LTBP2: variants seen among roughly 807,000 people sequenced by gnomAD.
LTBP2 encodes latent transforming growth factor beta binding protein 2.
A neutral mutation model predicts 210.6 loss-of-function variants in LTBP2; 103 were observed. The ratio of observed to expected loss-of-function variants is 0.49; its 90% CI spans 0.42 to 0.58. LTBP2 has a LOEUF of 0.58. Among genes scored for constraint, LTBP2 ranks in the 20% least tolerant of loss-of-function variants. LTBP2 has a pLI of 0.00. For synonymous variants in LTBP2, 1,007 were observed against 1,015.0 expected (o/e 0.99, Z 0.15); for missense variants, 2,313 against 2,494.5 (o/e 0.93, Z 1.55).
intron 10 of LTBP2, 124 bp from the exon 11 acceptor site, chr14:74,529,246 A>C: frequency 8.5e-7 from 1 of 1,182,554 alleles, no homozygotes; most frequent in Non-Finnish European, 1.2e-6. Context: ...CCCATATCTC[A>C]GTTGGGAAGT....
Position 74,555,639 on chromosome 14 carries a change from G to A in LTBP2, c.885C>T (p.Ser295=). The part of the protein sequence containing the change: ...THPSQQHVGL[S]RTVRLHPTAT... ...CAGTCGGGTGAAGTCGGACAGTGCG[G>A]GACAACCCCACGTGCTGCTGGGAAG... The change falls in exon 4 of 36, where the codon TCC becomes TCT. Residue 295 remains serine (S), a synonymous_variant. Transcript: ENST00000261978. 2.5e-6 allele frequency: 4 copies of A among 1,595,084 alleles called. No individual in the cohort carries two copies. Among genetic ancestry groups the A allele is most frequent in the Non-Finnish European group, 3.4e-6 (4 of 1,167,620 alleles).
chr14:74,510,400 C>CG (rs1461367766), intron 19 of LTBP2, among the ~76,000 whole-genome samples, 187 bp from the exon 20 acceptor site: 1 of 152,222 alleles, frequency 6.6e-6, no homozygotes, highest in Non-Finnish European at 1.5e-5. Flanking sequence ...TCCCATCCCC[C>CG]GGGCTCACTT....
intron 1 of LTBP2, among the ~76,000 whole-genome samples, chr14:74,608,021 C>T (rs937779436): frequency 1.5e-4 from 22 of 151,532 alleles, no homozygotes; most frequent in African/African-American, 4.1e-4. Context: ...CCCGGGTTCA[C>T]GCCATTCTCC....
intron 2 of LTBP2, among the ~76,000 whole-genome samples, chr14:74,595,276 C>T (rs8005582): frequency 0.017 from 2,602 of 152,268 alleles, 33 homozygotes; most frequent in Non-Finnish European, 0.025. Context: ...TGGGGAGCCG[C>T]GGGGCCAGGG....
chr14:74,533,617 T>A lies in LTBP2; in HGVS notation c.1865-1069A>T, dbSNP rs546677194. Among the ~76,000 whole-genome samples the A allele has an allele frequency of 2.6e-5, 4 of 152,166 alleles. No homozygotes were observed. In the South Asian group the frequency reaches 8.3e-4, roughly 32 times the overall value. ...GGTCACAGTTAAGAGTGTGCAAAGG[T>A]TGAGGGTCAGAAGGGCACATCTTCG... On this transcript the variant is annotated intron_variant, in intron 9 of 35. Coordinates refer to ENST00000261978, the MANE Select transcript of LTBP2 (RefSeq NM_000428.3).
At position 74,503,801 on chromosome 14, in the gene LTBP2, C is replaced by T. The variant is rs568050951; in HGVS notation, c.4582+125G>A. The T allele has an allele frequency of 3.1e-5, 45 of 1,449,916 alleles. No homozygotes were observed. The East Asian group carries it at 1.1e-3, about 35-fold the overall frequency. 89.8% of individuals were successfully genotyped at this position (1,449,916 alleles called of 1,614,324 possible). ...AGCTCCTTCACCTGGGACCAGCCTG[C>T]TGCAGTGGGCGGCCTCCCTAGGAAG... On this transcript the variant is annotated intron_variant, in intron 31 of 35. Transcript: ENST00000261978.
At position 74,611,611 on chromosome 14, in the gene LTBP2, A is replaced by G; in HGVS notation, c.334T>C (p.Ser112Pro). 1 of 1,565,084 alleles carries G rather than the reference A, an allele frequency of 6.4e-7. No homozygotes were observed. The highest frequency in any genetic ancestry group is 2.3e-5 in the East Asian group (1 of 42,848). Residue 112 changes from serine (S) to proline (P), a missense_variant, in exon 1 of 36, where the codon TCG (serine) becomes CCG (proline). Ser to Pro is a moderately conservative substitution (Grantham distance 74). Transcript: ENST00000261978. ...TGCGCAGGTGGCTGGACACGCCGCGACTGCTGCGCGCGGGACGGCCTCCTG... is the reference window on the plus strand; with the variant it reads ...TGCGCAGGTGGCTGGACACGCCGCGGCTGCTGCGCGCGGGACGGCCTCCTG... ...EARRPSRAQQ[S>P]RRVQPPAQTR...
chr14:74,525,256 T>C lies in LTBP2; in HGVS notation c.2429-31A>G, dbSNP rs862030. ...GAGGAGAGAGGGGAAGAGGTGGGGT[T>C]GTGGCCCCTTGGCTGGCCATGGCCC... On this transcript the variant is annotated intron_variant, in intron 14 of 35. Coordinates refer to ENST00000261978, the MANE Select transcript of LTBP2 (RefSeq NM_000428.3). 0.32 allele frequency: 396,931 copies of C among 1,246,790 alleles called. 66,705 individuals carry two copies. Among genetic ancestry groups the C allele is most frequent in the African/African-American group, 0.61 (39,631 of 64,996 alleles). 77.2% of individuals were successfully genotyped at this position (1,246,790 alleles called of 1,614,324 possible). A position where few individuals can be genotyped will look rare whatever the true frequency, so the allele number is the denominator to read the frequency against.
intron 13 of LTBP2, 123 bp downstream of exon 13, chr14:74,527,220 AATCT>A: frequency 8.0e-7 from 1 of 1,249,372 alleles, no homozygotes; most frequent in Non-Finnish European, 1.1e-6. Context: ...CTTCAAGTAA[AATCT>A]AACAGATACT....
chr14:74,599,951 T>A (rs1005448377), intron 2 of LTBP2, among the ~76,000 whole-genome samples: 1 of 152,210 alleles, frequency 6.6e-6, no homozygotes, highest in Non-Finnish European at 1.5e-5. Flanking sequence ...CAGGAAGGCA[T>A]CCCTTCATGT....
chr14:74,552,368 G>T lies in LTBP2; in HGVS notation c.1218C>A (p.Asn406Lys). ...RIYFCQIPCLNGGRCIGRDEC... is the reference protein window; with the variant it reads ...RIYFCQIPCLKGGRCIGRDEC... ...CGTCCCTGCCGATGCAGCGGCCTCC[G>T]TTCAGGCAGGGGATCTGGCAGAAAT... Residue 406 changes from asparagine to lysine, a missense_variant, in exon 6 of 36, where the codon AAC becomes AAA. Physicochemically the swap from Asn to Lys is moderately conservative, Grantham distance 94. Coordinates refer to ENST00000261978, the MANE Select transcript of LTBP2 (RefSeq NM_000428.3). The T allele has an allele frequency of 6.2e-7, 1 of 1,609,526 alleles. No individual in the cohort carries two copies.
rs1405918903 is a variant in LTBP2, at chr14:74,500,649, CAT to C, written c.*233_*234del. 1 of 602,722 alleles carries C rather than the reference CAT, an allele frequency of 1.7e-6. No homozygotes were observed. Among genetic ancestry groups the C allele is most frequent in the Non-Finnish European group, 3.0e-6 (1 of 335,040 alleles). The allele number at this position is 602,722 out of a possible 1,614,324, so 37.3% of individuals were successfully genotyped here. ...CCAGGAAAGGTGGTGGACAGGGCCT[CAT>C]GCGGTGGCTGAAGCATTAAAGCGAT... On this transcript the variant is annotated 3_prime_UTR_variant, in exon 36 of 36. Transcript: ENST00000261978.
In LTBP2 at chr14:74,555,565, C is replaced by G. The variant is rs200729239; in HGVS notation, c.959G>C (p.Gly320Ala). The change falls in exon 4 of 36, where the codon GGC (glycine) becomes GCC (alanine). Residue 320 changes from glycine to alanine, a missense_variant. By Grantham distance (60) the Gly-to-Ala change is moderately conservative (BLOSUM62 0). Transcript: ENST00000261978. ...TTGGGTGCCATCTCTCTGCTCAAGG[C>G]CTGGTCCCGGGGGCAGGGCGTTGGA... ...LSSNALPPGP[G>A]LEQRDGTQQA... 6.2e-7 allele frequency: 1 copy of G among 1,612,534 alleles called. No homozygotes were observed. Among genetic ancestry groups the G allele is most frequent in the African/African-American group, 1.3e-5 (1 of 75,028 alleles).
At chr14:74,535,413 G>C (rs558199566) in intron 9 of LTBP2, among the ~76,000 whole-genome samples, 1 of 152,328 alleles carries the variant, frequency 6.6e-6, no homozygotes, top group East Asian at 1.9e-4. Context: ...CCAGGAGCCT[G>C]TCCCAGGCAG....
chr14:74,553,965 T>TGTGTGTGTGA (rs1425985160), intron 4 of LTBP2, among the ~76,000 whole-genome samples: 1 of 137,628 alleles, frequency 7.3e-6, no homozygotes, highest in African/African-American at 2.6e-5. Context: ...TGTGTGTGTG[T>TGTGTGTGTGA]GAATGAGAGA....
chr14:74,507,049 G>T, intron 26 of LTBP2, 130 bp downstream of exon 26: 1 of 1,564,858 alleles, frequency 6.4e-7, no homozygotes. Flanking sequence ...AAGCTCTGCT[G>T]GATGGAAAAT....
At chr14:74,503,013 A>G (rs2086931507) in intron 33 of LTBP2, 79 bp from the exon 34 acceptor site, 1 of 1,570,138 alleles carries the variant, frequency 6.4e-7, no homozygotes, top group Admixed American at 1.7e-5. Context: ...CTCTGGGAGC[A>G]TGCAAGGACT....
At chr14:74,551,648 C>T (rs1036753726) in intron 6 of LTBP2, among the ~76,000 whole-genome samples, 2 of 152,192 alleles carry the variant, frequency 1.3e-5, no homozygotes, top group Non-Finnish European at 2.9e-5. Context: ...CTGTCTCCTG[C>T]ATGGCCCCAC....
chr14:74,512,740 T>C (rs1454519416), intron 18 of LTBP2, among the ~76,000 whole-genome samples: 1 of 152,222 alleles, frequency 6.6e-6, no homozygotes, highest in Non-Finnish European at 1.5e-5. Context: ...CCATATAATC[T>C]TGGGGACACT....
Sources: allele counts gnomAD v4.1 joint callset (sites outside exome capture counted in the v4.1 genomes callset), GRCh38; gene constraint gnomAD v4.1.1; transcripts MANE v1.5; gene names NCBI Gene and HGNC (gene_info 2026-07-23, HGNC 2026-07-21).